The following SETD5 variants were observed in gnomAD, a reference collection of about 807,000 sequenced individuals.
SETD5 encodes histone-lysine N-methyltransferase SETD5.
A neutral mutation model predicts 153.3 loss-of-function variants in SETD5; 44 were observed. The ratio of observed to expected loss-of-function variants is 0.29; its 90% CI spans 0.23 to 0.37. The LOEUF (loss-of-function observed/expected upper bound fraction) is 0.37, where lower values mean the gene tolerates loss of function less well. SETD5 is among the 10% of genes least tolerant of loss of function. The probability of loss-of-function intolerance (pLI) is 1.00; values close to 1 mark genes in which losing one functional copy is unlikely to be tolerated. For missense variants in SETD5, 1,544 were observed against 1,768.0 expected, an observed-to-expected ratio of 0.87 and a Z score of 2.27; for synonymous variants, 716 against 645.2, an observed-to-expected ratio of 1.11 and a Z score of -1.66.
At chr3:9,399,945 C>T (rs565849148) in intron 1 of SETD5, among the ~76,000 whole-genome samples, 1 of 152,024 alleles carries the variant, frequency 6.6e-6, no homozygotes, top group African/African-American at 2.4e-5. Context: ...GGCTCTGGAG[C>T]TCTGGTTGCT....
chr3:9,468,299 C>T (rs1337173569), intron 18 of SETD5, among the ~76,000 whole-genome samples: 1 of 152,084 alleles, frequency 6.6e-6, no homozygotes, highest in Non-Finnish European at 1.5e-5. Flanking sequence ...ACCAATTTAT[C>T]CTTAAATGCT....
chr3:9,449,009 G>T (rs1224361084), intron 16 of SETD5, among the ~76,000 whole-genome samples: 1 of 152,114 alleles, frequency 6.6e-6, no homozygotes, highest in African/African-American at 2.4e-5. Context: ...ATTAGGCCCT[G>T]GGTCCTCTAG....
intron 1 of SETD5, among the ~76,000 whole-genome samples, chr3:9,411,696 C>T (rs1446515444): frequency 2.0e-5 from 3 of 152,184 alleles, no homozygotes; most frequent in Non-Finnish European, 4.4e-5. Flanking sequence ...CATAAGCATC[C>T]AGTAAATGCT....
intron 1 of SETD5, among the ~76,000 whole-genome samples, chr3:9,423,427 C>G (rs920470606): frequency 1.3e-5 from 2 of 152,158 alleles, no homozygotes; most frequent in Admixed American, 1.3e-4. Context: ...ATGGATTGTT[C>G]TGGAAATAGT....
In SETD5 at chr3:9,446,940, A is replaced by C. The variant is rs895527744; in HGVS notation, c.1525-110A>C. The C allele has an allele frequency of 1.9e-4, 134 of 699,632 alleles. No individual in the cohort carries two copies. The African/African-American group carries it at 2.3e-3, about 12-fold the overall frequency. 43.3% of individuals were successfully genotyped at this position (699,632 alleles called of 1,614,324 possible). ...TTTTCCAAGTTATATGTGTCATCTTACTGGTAGTTAAATGAATTTCTGTAA... is the reference window on the plus strand; with the variant it reads ...TTTTCCAAGTTATATGTGTCATCTTCCTGGTAGTTAAATGAATTTCTGTAA... On this transcript the variant is annotated intron_variant, in intron 13 of 22. Coordinates refer to ENST00000402198, the MANE Select transcript of SETD5 (RefSeq NM_001080517.3).
intron 16 of SETD5, among the ~76,000 whole-genome samples, chr3:9,452,321 C>T (rs1315382708): frequency 1.3e-5 from 2 of 152,284 alleles, no homozygotes; most frequent in South Asian, 2.1e-4. Context: ...AAAGATTTTT[C>T]ACTCCTGAGC....
chr3:9,412,860 T>C (rs905602438), intron 1 of SETD5, among the ~76,000 whole-genome samples: 10 of 151,600 alleles, frequency 6.6e-5, no homozygotes, highest in Middle Eastern at 6.8e-3. Flanking sequence ...TTGTCGATAC[T>C]AGATAATGAA....
In SETD5 at chr3:9,464,493, C is replaced by A; in HGVS notation, c.2545C>A (p.Arg849=). Residue 849 remains arginine, a synonymous_variant, in exon 18 of 23, where the codon CGG becomes AGG. Coordinates refer to ENST00000402198, the MANE Select transcript of SETD5 (RefSeq NM_001080517.3). Reference sequence around the variant, plus strand: ...GGAGCAGAATGTCACCAAGTTACTTCGGCCTCTGTCTCCAGTCACACCACC... The same window carrying A: ...GGAGCAGAATGTCACCAAGTTACTTAGGCCTCTGTCTCCAGTCACACCACC... ...LMEQNVTKLL[R]PLSPVTPPPP... The A allele has an allele frequency of 6.2e-7, 1 of 1,614,008 alleles. No individual in the cohort carries two copies.
intron 1 of SETD5, among the ~76,000 whole-genome samples, chr3:9,419,026 C>T (rs184425871): frequency 1.3e-4 from 20 of 152,094 alleles, no homozygotes; most frequent in Non-Finnish European, 1.5e-4. Flanking sequence ...GGGGTTTCAT[C>T]ATCTTGGCCA....
At position 9,445,174 on chromosome 3, in the gene SETD5, G is replaced by T; in HGVS notation, c.1314G>T (p.Glu438Asp). 2 of 1,614,022 alleles carry T rather than the reference G, an allele frequency of 1.2e-6. No individual in the cohort carries two copies. The highest frequency in any genetic ancestry group is 1.7e-6 in the Non-Finnish European group (2 of 1,179,890). ...PPPSLPTIGAETRRRKARRKE... is the reference protein window; with the variant it reads ...PPPSLPTIGADTRRRKARRKE... ...CAAGCCTACCCACCATTGGAGCAGA[G>T]ACTAGACGTAGAAAAGCACGACGGA... The change falls in exon 12 of 23, where the codon GAG (glutamate) becomes GAT (aspartate). Residue 438 changes from glutamate to aspartate, a missense_variant. This residue lies in a region of SETD5 where 782 missense variants were observed against 787.2 expected (regional missense o/e 0.99). Transcript: ENST00000402198.
intron 1 of SETD5, among the ~76,000 whole-genome samples, chr3:9,400,009 C>G (rs748790288): frequency 3.3e-5 from 5 of 152,196 alleles, no homozygotes; most frequent in Non-Finnish European, 7.3e-5. Flanking sequence ...GACAGCAGTG[C>G]AGCGTCCATT....
In SETD5 at chr3:9,440,462, C is replaced by G. The variant is rs536577273; in HGVS notation, c.574C>G (p.Pro192Ala). The G allele has an allele frequency of 6.5e-7, 1 of 1,526,836 alleles. No individual in the cohort carries two copies. The highest frequency in any genetic ancestry group is 9.1e-7 in the Non-Finnish European group (1 of 1,100,672). 94.6% of individuals were successfully genotyped at this position (1,526,836 alleles called of 1,614,324 possible). A position where few individuals can be genotyped will look rare whatever the true frequency, so the allele number is the denominator to read the frequency against. The change falls in exon 8 of 23, where the codon CCC (proline) becomes GCC (alanine). Residue 192 changes from proline (P) to alanine (A), a missense_variant. By Grantham distance (27) the Pro-to-Ala change is conservative (BLOSUM62 -1). This residue lies in a region of SETD5 where 251 missense variants were observed against 326.9 expected (regional missense o/e 0.77). Coordinates refer to ENST00000402198, the MANE Select transcript of SETD5 (RefSeq NM_001080517.3). ...APKTKKIKNS[P>A]SEAQNLDENT... Reference sequence around the variant, plus strand: ...CTGAATTTGTTTTCTACAGAATTCTCCCTCTGAAGCACAGAATTTAGATGA... The same window carrying G: ...CTGAATTTGTTTTCTACAGAATTCTGCCTCTGAAGCACAGAATTTAGATGA...
At chr3:9,468,487 GAAT>G in intron 18 of SETD5, 1 of 1,302,814 alleles carries the variant, frequency 7.7e-7, no homozygotes, top group Non-Finnish European at 1.0e-6. Flanking sequence ...TCGAGTAGAT[GAAT>G]AATAACAAGA....
At chr3:9,432,132 T>C (rs2040035367) in intron 3 of SETD5, 1 of 201,942 alleles carries the variant, frequency 5.0e-6, no homozygotes, top group African/African-American at 2.4e-5. Context: ...CAGATCATCT[T>C]TTTCTCAAGA....
chr3:9,436,883 A>G (rs1380030340), intron 7 of SETD5: 1 of 1,550,154 alleles, frequency 6.5e-7, no homozygotes, highest in Non-Finnish European at 8.7e-7. Context: ...GTCCTTGCGG[A>G]TGAAGGTAAG....
intron 17 of SETD5, 184 bp downstream of exon 17, chr3:9,454,052 A>G (rs2042929686): frequency 1.8e-6 from 1 of 543,198 alleles, no homozygotes; most frequent in Non-Finnish European, 2.9e-6. Context: ...CAGGACGACA[A>G]AGAAGGACTA....
chr3:9,406,344 G>A (rs916967140), intron 1 of SETD5, among the ~76,000 whole-genome samples: 6 of 152,166 alleles, frequency 3.9e-5, no homozygotes, highest in Non-Finnish European at 7.4e-5. Context: ...TTGTATGAAA[G>A]CATAAATTTT....
chr3:9,419,964 A>T (rs139024743), intron 1 of SETD5, among the ~76,000 whole-genome samples: 50 of 152,312 alleles, frequency 3.3e-4, no homozygotes, highest in Non-Finnish European at 7.1e-4. Flanking sequence ...GGTCTCTAAC[A>T]CATGTTCTGA....
At chr3:9,468,475 C>T (rs1416731742) in intron 18 of SETD5, 6 of 1,299,210 alleles carry the variant, frequency 4.6e-6, no homozygotes, top group Non-Finnish European at 6.1e-6. Flanking sequence ...TGCTTCTTGA[C>T]TTCGAGTAGA....
Sources: allele counts gnomAD v4.1 joint callset (sites outside exome capture counted in the v4.1 genomes callset), GRCh38; gene constraint gnomAD v4.1.1; regional missense constraint gnomAD v4.1.1; transcripts MANE v1.5; gene names NCBI Gene and HGNC (gene_info 2026-07-23, HGNC 2026-07-21).